ANKIB1: variants seen among roughly 807,000 people sequenced by gnomAD.
ANKIB1 encodes the protein ankyrin repeat and IBR domain containing 1, also known as ankyrin repeat and IBR domain-containing protein 1.
In ANKIB1, 43 loss-of-function variants were observed where a neutral mutation model predicts 122.1. The ratio of observed to expected loss-of-function variants is 0.35; its 90% confidence interval spans 0.28 to 0.45. ANKIB1 has a LOEUF of 0.45. ANKIB1 is among the 20% of genes least tolerant of loss of function. ANKIB1 has a pLI of 1.00. For synonymous variants in ANKIB1, 390 were observed against 442.0 expected (o/e 0.88, Z 1.48); for missense variants, 992 against 1,329.5 (o/e 0.75, Z 3.95).
Position 92,298,105 on chromosome 7 carries a change from A to G in ANKIB1, c.188+2939A>G, listed in dbSNP as rs990375075. On this transcript the variant is annotated intron_variant, in intron 2 of 19. Coordinates refer to ENST00000265742, the MANE Select transcript of ANKIB1 (RefSeq NM_019004.2). Reference sequence around the variant, plus strand: ...ATTCCTACAATTTACATTTAAAATCATATTATTATTATTATTACTAAACTC... The same window carrying G: ...ATTCCTACAATTTACATTTAAAATCGTATTATTATTATTATTACTAAACTC... Among the ~76,000 whole-genome samples the G allele has an allele frequency of 3.5e-4, 53 of 152,066 alleles. 1 individual carries two copies. Among genetic ancestry groups the G allele is most frequent in the Middle Eastern group, 3.4e-3 (1 of 294 alleles).
rs112972249 is a variant in ANKIB1, at chr7:92,289,624, C to T, written c.-90-5265C>T. 9.8e-4 allele frequency among the ~76,000 whole-genome samples: 149 copies of T among 152,290 alleles called. 1 individual carries two copies. Among genetic ancestry groups the T allele is most frequent in the Non-Finnish European group, 6.6e-4 (45 of 68,012 alleles). On this transcript the variant is annotated intron_variant, in intron 1 of 19. Transcript: ENST00000265742. ...GCTTTTAAATTTCCCACTCTGGCCTCGTTCCCCTTAAGACCAGTTGAAATC... is the reference window on the plus strand; with the variant it reads ...GCTTTTAAATTTCCCACTCTGGCCTTGTTCCCCTTAAGACCAGTTGAAATC...
At position 92,317,913 on chromosome 7, in the gene ANKIB1, T is replaced by C. The variant is rs990304531; in HGVS notation, c.487-1417T>C. Among the ~76,000 whole-genome samples the C allele has an allele frequency of 2.0e-5, 3 of 152,330 alleles. No individual in the cohort carries two copies. The East Asian group carries it at 5.8e-4, about 29-fold the overall frequency. On this transcript the variant is annotated intron_variant, in intron 3 of 19. Transcript: ENST00000265742. ...AACATTTAGATCATAAGTAAGAGTC[T>C]GGGCAGAACTTCAAGATGGACCCAG... is the stretch of plus-strand genomic sequence containing the variant.
intron 17 of ANKIB1, among the ~76,000 whole-genome samples, chr7:92,393,868 T>C (rs1321518566): frequency 6.6e-6 from 1 of 152,184 alleles, no homozygotes; most frequent in Non-Finnish European, 1.5e-5. Context: ...ACTGCCAAAG[T>C]TATATTTTTG....
chr7:92,259,507 CTCTGCATTTTAAATCTGGAAAAATAAA>C (rs1562762532), intron 1 of ANKIB1, among the ~76,000 whole-genome samples: 1 of 152,000 alleles, frequency 6.6e-6, no homozygotes, highest in Admixed American at 6.6e-5. Flanking sequence ...GGATGAAAAT[CTCTGCATTTTAAATCTGGAAAAATAAA>C]TCTGAAAAAA....
rs1804991794 is a variant in ANKIB1 at position 92,400,471 on chromosome 7, A to T, written c.*1522A>T. The T allele has an allele frequency of 6.6e-6, 1 of 152,222 alleles. No individual in the cohort carries two copies. Among genetic ancestry groups the T allele is most frequent in the Admixed American group, 6.5e-5 (1 of 15,290 alleles). The allele number at this position is 152,222 out of a possible 1,614,324, so 9.4% of individuals were successfully genotyped here. The stretch of plus-strand genomic sequence containing the variant: ...TAGTGTTTTGCCAGATTGTTACCAG[A>T]AGTCTACAGATACCAAACTTTCAGT... On this transcript the variant is annotated 3_prime_UTR_variant, in exon 20 of 20. Transcript: ENST00000265742.
chr7:92,344,744 A>G (rs537624993), intron 6 of ANKIB1, among the ~76,000 whole-genome samples: 1 of 152,298 alleles, frequency 6.6e-6, no homozygotes, highest in Admixed American at 6.5e-5. Context: ...TTGGAATTTA[A>G]GGGTTTGATT....
intron 3 of ANKIB1, among the ~76,000 whole-genome samples, chr7:92,312,039 C>T (rs1290582681): frequency 6.6e-6 from 1 of 152,138 alleles, no homozygotes; most frequent in Non-Finnish European, 1.5e-5. Flanking sequence ...ATCTCCTTAT[C>T]CAGTATTGAT....
chr7:92,334,599 T>C (rs1803246924), intron 5 of ANKIB1, among the ~76,000 whole-genome samples: 1 of 152,026 alleles, frequency 6.6e-6, no homozygotes. Context: ...TCTGTAGTTG[T>C]CATTTTCAAA....
At chr7:92,279,279 C>A (rs180729511) in intron 1 of ANKIB1, among the ~76,000 whole-genome samples, 4 of 152,248 alleles carry the variant, frequency 2.6e-5, no homozygotes, top group African/African-American at 9.6e-5. Flanking sequence ...GGTTTGGGGA[C>A]CCCTGCCCTA....
chr7:92,376,569 C>T (rs1804387952), intron 11 of ANKIB1, among the ~76,000 whole-genome samples: 1 of 151,558 alleles, frequency 6.6e-6, no homozygotes, highest in African/African-American at 2.4e-5. Flanking sequence ...CTGTCTTGGT[C>T]CCCCGAGTAG....
At chr7:92,349,519 A>T (rs568207167) in intron 7 of ANKIB1, among the ~76,000 whole-genome samples, 1 of 152,284 alleles carries the variant, frequency 6.6e-6, no homozygotes, top group African/African-American at 2.4e-5. Context: ...AATAATCAAA[A>T]TGTTGATGGT....
At chr7:92,364,388 C>T (rs931137940) in intron 10 of ANKIB1, among the ~76,000 whole-genome samples, 4 of 146,280 alleles carry the variant, frequency 2.7e-5, no homozygotes, top group Non-Finnish European at 4.5e-5. Flanking sequence ...CTAGCCATTG[C>T]TCTTCATACC....
chr7:92,271,263 G>A (rs976555032), intron 1 of ANKIB1, among the ~76,000 whole-genome samples: 5 of 152,126 alleles, frequency 3.3e-5, no homozygotes, highest in Admixed American at 2.6e-4. Flanking sequence ...TGTCAAAAAT[G>A]AATTAACCAT....
At chr7:92,375,013 AT>A (rs927505756) in intron 11 of ANKIB1, among the ~76,000 whole-genome samples, 1 of 150,192 alleles carries the variant, frequency 6.7e-6, no homozygotes, top group African/African-American at 2.5e-5. Flanking sequence ...GTAAATCACA[AT>A]TTTTTTGTTT....
intron 1 of ANKIB1, among the ~76,000 whole-genome samples, chr7:92,288,883 A>G (rs1262763029): frequency 6.6e-6 from 1 of 152,158 alleles, no homozygotes; most frequent in South Asian, 2.1e-4. Flanking sequence ...GAAACTGACA[A>G]TTCCAATTGC....
Position 92,365,733 on chromosome 7 carries a change from G to A in ANKIB1, c.1486+3460G>A, listed in dbSNP as rs75476916. Among the ~76,000 whole-genome samples, 1,068 of 149,438 alleles carry A rather than the reference G, an allele frequency of 7.1e-3. 14 individuals carry two copies. Among genetic ancestry groups the A allele is most frequent in the African/African-American group, 0.025 (1,016 of 40,760 alleles). On this transcript the variant is annotated intron_variant, in intron 10 of 19. Coordinates refer to ENST00000265742, the MANE Select transcript of ANKIB1 (RefSeq NM_019004.2). The stretch of plus-strand genomic sequence containing the variant: ...GAGAGGATATGAAGGCTTAAGATGG[G>A]TAATTCAGGTGGGAGGGGGCATATA...
intron 5 of ANKIB1, among the ~76,000 whole-genome samples, chr7:92,330,633 G>C (rs1459080410): frequency 6.6e-6 from 1 of 152,052 alleles, no homozygotes; most frequent in Non-Finnish European, 1.5e-5. Flanking sequence ...ATGAGGTCAG[G>C]AGATCGAGAC....
chr7:92,327,814 G>A lies in ANKIB1; in HGVS notation c.701G>A (p.Arg234His). 6.3e-7 allele frequency: 1 copy of A among 1,583,034 alleles called. No individual in the cohort carries two copies. Among genetic ancestry groups the A allele is most frequent in the Non-Finnish European group, 8.5e-7 (1 of 1,171,440 alleles). Residue 234 changes from arginine to histidine, a missense_variant, in exon 5 of 20, where the codon CGT becomes CAT. Transcript: ENST00000265742. ...GAAGGATTAAGGCCTCAGGATCTTC[G>A]TAGACTAAAAGATATGCTTATTGTG... ...PYEGLRPQDLRRLKDMLIVET... is the reference protein window; with the variant it reads ...PYEGLRPQDLHRLKDMLIVET...
At chr7:92,246,660 G>A (rs1283908854) in intron 1 of ANKIB1, 141 bp downstream of exon 1, 2 of 447,552 alleles carry the variant, frequency 4.5e-6, no homozygotes, top group Non-Finnish European at 9.0e-6. Flanking sequence ...TTGTTGTTCT[G>A]TCTGTCCCCA....
Sources: gnomAD v4.1 joint callset for allele counts (sites outside exome capture counted in the v4.1 genomes callset) on GRCh38, gnomAD v4.1.1 for gene constraint, MANE v1.5 for transcripts, NCBI Gene and HGNC (gene_info 2026-07-23, HGNC 2026-07-21) for gene names.